The following TSPAN7 variants were observed in gnomAD, a reference collection of about 807,000 sequenced individuals.
TSPAN7 encodes the protein tetraspanin 7, also known as tetraspanin-7.
In TSPAN7, 1 loss-of-function variant was observed where a neutral mutation model predicts 17.6. The ratio of observed to expected loss-of-function variants is 0.06; its 90% CI spans 0.02 to 0.27. The LOEUF (loss-of-function observed/expected upper bound fraction) is 0.27. TSPAN7 is among the 10% of genes least tolerant of loss of function. TSPAN7 has a pLI of 1.00. For missense variants in TSPAN7, 112 were observed against 201.7 expected (o/e 0.56, Z 2.69); for synonymous variants, 78 against 79.0 (o/e 0.99, Z 0.07).
intron 1 of TSPAN7, 77 bp downstream of exon 1, chrX:38,561,704 G>A: frequency 3.2e-6 from 3 of 941,025 alleles, no homozygotes; most frequent in Non-Finnish European, 4.4e-6. Context: ...AAAGAAGTGG[G>A]GAGGAAAACC....
intron 3 of TSPAN7, among the ~76,000 whole-genome samples, chrX:38,673,600 T>C (rs2069835956): frequency 2.7e-5 from 3 of 110,807 alleles, no homozygotes; most frequent in Non-Finnish European, 5.7e-5. Context: ...CTTGAACTCC[T>C]GACCTCAAGT....
intron 1 of TSPAN7, among the ~76,000 whole-genome samples, chrX:38,626,648 G>A: frequency 8.9e-6 from 1 of 111,863 alleles, no homozygotes; most frequent in East Asian, 2.8e-4. Context: ...ACATTCAGAA[G>A]AGAGGAGTTT....
intron 1 of TSPAN7, among the ~76,000 whole-genome samples, chrX:38,607,507 G>A (rs1056037031): frequency 9.0e-6 from 1 of 111,101 alleles, no homozygotes; most frequent in Non-Finnish European, 1.9e-5. Context: ...AAACATGCAG[G>A]TACCCGGACC....
chrX:38,686,568 G>T (rs763104217), intron 6 of TSPAN7, among the ~76,000 whole-genome samples: 6 of 111,813 alleles, frequency 5.4e-5, no homozygotes, highest in South Asian at 3.8e-4. Flanking sequence ...TGGTCCTGGG[G>T]TCACACTTCT....
intron 6 of TSPAN7, among the ~76,000 whole-genome samples, chrX:38,687,339 G>A (rs1194425970): frequency 9.0e-6 from 1 of 111,368 alleles, no homozygotes; most frequent in African/African-American, 3.3e-5. Flanking sequence ...ATGATGGCCA[G>A]TTTGAGAACT....
At chrX:38,606,526 G>GTTTTCTAGGATAGTAGCTGATGTAGT (rs1463205161) in intron 1 of TSPAN7, among the ~76,000 whole-genome samples, 1 of 111,384 alleles carries the variant, frequency 9.0e-6, no homozygotes, top group African/African-American at 3.3e-5. Context: ...TTAGGTCAGA[G>GTTTTCTAGGATAGTAGCTGATGTAGT]TTTTCTAGGA....
intron 1 of TSPAN7, among the ~76,000 whole-genome samples, chrX:38,587,790 C>A (rs2069266942): frequency 8.9e-6 from 1 of 112,133 alleles, no homozygotes; most frequent in African/African-American, 3.2e-5. Flanking sequence ...TTTATGTCCA[C>A]AAATTCCTAG....
At chrX:38,635,908 C>T (rs1452212303) in intron 1 of TSPAN7, among the ~76,000 whole-genome samples, 2 of 111,237 alleles carry the variant, frequency 1.8e-5, no homozygotes, top group African/African-American at 6.5e-5. Context: ...TTCTGAGTGG[C>T]CCTGTGCTGT....
chrX:38,593,761 G>T (rs1415453884), intron 1 of TSPAN7, among the ~76,000 whole-genome samples: 1 of 112,341 alleles, frequency 8.9e-6, no homozygotes, highest in Non-Finnish European at 1.9e-5. Context: ...GAAGGCCCTT[G>T]CCAGATTCCA....
chrX:38,596,093 A>G, intron 1 of TSPAN7, among the ~76,000 whole-genome samples: 1 of 111,404 alleles, frequency 9.0e-6, no homozygotes, highest in South Asian at 3.8e-4. Context: ...TCTTTGATGT[A>G]TTCTGTGTAT....
chrX:38,642,096 G>T (rs954928183), intron 1 of TSPAN7, among the ~76,000 whole-genome samples: 1 of 111,844 alleles, frequency 8.9e-6, no homozygotes. Context: ...TGGGGTGTGC[G>T]TTTGTGTTGC....
intron 1 of TSPAN7, among the ~76,000 whole-genome samples, chrX:38,619,357 T>A (rs1394585526): frequency 9.0e-6 from 1 of 111,678 alleles, no homozygotes; most frequent in Non-Finnish European, 1.9e-5. Context: ...TCTTTGCAGG[T>A]GATATTGTTC....
At chrX:38,664,497 C>A (rs1200881366) in intron 1 of TSPAN7, among the ~76,000 whole-genome samples, 3 of 111,732 alleles carry the variant, frequency 2.7e-5, no homozygotes, top group Admixed American at 1.9e-4. Flanking sequence ...CGGGTGTCAG[C>A]AGAGGACTTA....
At position 38,663,668 on chromosome X, in the gene TSPAN7, T is replaced by G. The variant is rs147917336; in HGVS notation, c.82-2453T>G. On this transcript the variant is annotated intron_variant, in intron 1 of 7. Coordinates refer to ENST00000378482, the MANE Select transcript of TSPAN7 (RefSeq NM_004615.4). ...AGGAGAGGGTTCATATACAAAGCAA[T>G]GATTGCATTAGGATAAATTATGTTA... is the stretch of plus-strand genomic sequence containing the variant. 4.9e-4 allele frequency among the ~76,000 whole-genome samples: 55 copies of G among 112,434 alleles called. No individual in the cohort carries two copies. The East Asian group carries it at 0.013, about 27-fold the overall frequency.
intron 1 of TSPAN7, among the ~76,000 whole-genome samples, chrX:38,646,496 AG>A (rs1202375840): frequency 8.9e-6 from 1 of 112,086 alleles, no homozygotes; most frequent in Non-Finnish European, 1.9e-5. Context: ...AAACCAAAGG[AG>A]GGAGGTGTAT....
chrX:38,664,777 G>T (rs1157556682), intron 1 of TSPAN7, among the ~76,000 whole-genome samples: 1 of 111,742 alleles, frequency 8.9e-6, no homozygotes, highest in African/African-American at 3.3e-5. Context: ...CCAGGGTGGG[G>T]AAGTGTCACC....
At chrX:38,682,024 A>G (rs1158975613) in intron 6 of TSPAN7, among the ~76,000 whole-genome samples, 1 of 112,130 alleles carries the variant, frequency 8.9e-6, no homozygotes, top group Non-Finnish European at 1.9e-5. Context: ...CATCCTTGCT[A>G]TAATGTTGCT....
At chrX:38,670,729 G>A (rs753847777) in intron 2 of TSPAN7, among the ~76,000 whole-genome samples, 8 of 112,470 alleles carry the variant, frequency 7.1e-5, no homozygotes, top group Non-Finnish European at 1.5e-4. Flanking sequence ...TACTGGAGGC[G>A]TTTGCCTAGG....
chrX:38,684,338 C>T (rs1267222126), intron 6 of TSPAN7, among the ~76,000 whole-genome samples: 1 of 110,190 alleles, frequency 9.1e-6, no homozygotes, highest in African/African-American at 3.4e-5. Flanking sequence ...CCTTTGCCCT[C>T]TCAAGGTAAA....
Sources: gnomAD v4.1 joint callset for allele counts (sites outside exome capture counted in the v4.1 genomes callset) on GRCh38, gnomAD v4.1.1 for gene constraint, MANE v1.5 for transcripts, NCBI Gene and HGNC (gene_info 2026-07-23, HGNC 2026-07-21) for gene names.